Variants in ZBTB16 observed in about 807,000 individuals in gnomAD.
ZBTB16 encodes zinc finger and BTB domain-containing protein 16.
A neutral mutation model predicts 56.8 loss-of-function variants in ZBTB16; 8 were observed. The observed-to-expected ratio is 0.14, with a 90% CI of 0.08 to 0.25. The LOEUF (loss-of-function observed/expected upper bound fraction) is 0.25. Ranked by LOEUF, ZBTB16 falls within the 10% of genes least tolerant of loss-of-function variation. The pLI, the probability that ZBTB16 is intolerant of heterozygous loss-of-function variation, is 1.00. For missense variants in ZBTB16, 625 were observed against 903.0 expected (o/e 0.69, Z 3.95); for synonymous variants, 363 against 368.5 (o/e 0.98, Z 0.17).
intron 2 of ZBTB16, among the ~76,000 whole-genome samples, chr11:114,154,913 C>T (rs1170677502): frequency 6.6e-6 from 1 of 152,172 alleles, no homozygotes; most frequent in Admixed American, 6.5e-5. Context: ...GCTGTGGGAG[C>T]CCATTGACTG....
intron 3 of ZBTB16, among the ~76,000 whole-genome samples, chr11:114,157,388 C>A (rs1297476876): frequency 6.6e-6 from 1 of 152,214 alleles, no homozygotes; most frequent in African/African-American, 2.4e-5. Flanking sequence ...GTGTTGTTAA[C>A]TTACATAATT....
chr11:114,232,893 T>C (rs903470789), intron 4 of ZBTB16, among the ~76,000 whole-genome samples: 3 of 152,090 alleles, frequency 2.0e-5, no homozygotes, highest in African/African-American at 7.2e-5. Flanking sequence ...TCCTGCGGGC[T>C]CCAGGCTTCT....
At chr11:114,079,100 TA>T (rs10609677) in intron 2 of ZBTB16, among the ~76,000 whole-genome samples, 171 of 137,028 alleles carry the variant, frequency 1.2e-3, no homozygotes, top group Middle Eastern at 3.9e-3. Flanking sequence ...TTTGTCTCAT[TA>T]AAAAAAAAAA....
At chr11:114,109,358 G>C (rs578156080) in intron 2 of ZBTB16, among the ~76,000 whole-genome samples, 62 of 152,326 alleles carry the variant, frequency 4.1e-4, no homozygotes, top group Middle Eastern at 3.4e-3. Context: ...GCTTAGTCAG[G>C]TCTTTGGCTT....
intron 2 of ZBTB16, among the ~76,000 whole-genome samples, chr11:114,066,301 C>T (rs1364033479): frequency 9.2e-5 from 14 of 152,282 alleles, no homozygotes; most frequent in Admixed American, 7.2e-4. Flanking sequence ...CAGAGCTAAA[C>T]GTAGCCGACT....
chr11:114,097,026 GC>G (rs1940441017), intron 2 of ZBTB16, among the ~76,000 whole-genome samples: 1 of 152,144 alleles, frequency 6.6e-6, no homozygotes, highest in Admixed American at 6.5e-5. Flanking sequence ...AGCCAAAATA[GC>G]CAAAAGGTGG....
chr11:114,177,715 C>T (rs1451779435), intron 3 of ZBTB16, among the ~76,000 whole-genome samples: 2 of 152,084 alleles, frequency 1.3e-5, no homozygotes, highest in Non-Finnish European at 2.9e-5. Context: ...CATGATTGCT[C>T]AGTCATAGAA....
At chr11:114,083,796 C>A (rs529259335) in intron 2 of ZBTB16, among the ~76,000 whole-genome samples, 3 of 152,104 alleles carry the variant, frequency 2.0e-5, no homozygotes, top group Admixed American at 6.5e-5. Flanking sequence ...ATGCCGCCCC[C>A]CCGCCCCACC....
At chr11:114,082,531 G>A (rs889403384) in intron 2 of ZBTB16, among the ~76,000 whole-genome samples, 3 of 152,202 alleles carry the variant, frequency 2.0e-5, no homozygotes, top group Non-Finnish European at 4.4e-5. Context: ...AGAGTGACGT[G>A]ACTGGAGTGC....
chr11:114,244,541 A>G (rs1056905734), intron 5 of ZBTB16, among the ~76,000 whole-genome samples: 7 of 152,138 alleles, frequency 4.6e-5, no homozygotes, highest in Non-Finnish European at 8.8e-5. Context: ...CACTGACACA[A>G]TCAGCTCTCA....
intron 2 of ZBTB16, among the ~76,000 whole-genome samples, chr11:114,117,145 G>C (rs750943332): frequency 7.2e-5 from 11 of 152,086 alleles, no homozygotes; most frequent in African/African-American, 1.7e-4. Flanking sequence ...ACACGCAAAG[G>C]CCGGGGGAAG....
intron 5 of ZBTB16, 87 bp from the exon 6 acceptor site, chr11:114,247,111 C>A: frequency 1.3e-6 from 2 of 1,588,964 alleles, no homozygotes; most frequent in Admixed American, 1.7e-5. Flanking sequence ...GCCGTCGCAT[C>A]CTTCTCATGC....
chr11:114,119,806 C>T (rs1941291408), intron 2 of ZBTB16, among the ~76,000 whole-genome samples: 1 of 152,184 alleles, frequency 6.6e-6, no homozygotes, highest in African/African-American at 2.4e-5. Flanking sequence ...TAAATGGAAG[C>T]TCAGAGTGGT....
intron 3 of ZBTB16, among the ~76,000 whole-genome samples, chr11:114,167,393 T>G (rs1285001687): frequency 5.4e-5 from 7 of 128,744 alleles, no homozygotes; most frequent in Non-Finnish European, 8.0e-5. Context: ...TTTGTTTTTT[T>G]TTTTTTTTAA....
intron 2 of ZBTB16, among the ~76,000 whole-genome samples, chr11:114,107,861 G>C (rs916255210): frequency 2.0e-5 from 3 of 151,890 alleles, no homozygotes; most frequent in African/African-American, 7.3e-5. Flanking sequence ...TATTTGAGGA[G>C]AGAGATTTTC....
intron 4 of ZBTB16, chr11:114,210,057 G>A (rs1023078382): frequency 2.1e-5 from 14 of 662,684 alleles, no homozygotes; most frequent in Admixed American, 6.3e-5. Flanking sequence ...CCACTTGCCC[G>A]GTGAGCCTGC....
chr11:114,170,246 C>G (rs1406292692), intron 3 of ZBTB16, among the ~76,000 whole-genome samples: 1 of 152,160 alleles, frequency 6.6e-6, no homozygotes, highest in East Asian at 1.9e-4. Context: ...CCCCACAAAG[C>G]CTAGGTTGAG....
At chr11:114,158,153 T>C (rs1942475158) in intron 3 of ZBTB16, among the ~76,000 whole-genome samples, 1 of 152,128 alleles carries the variant, frequency 6.6e-6, no homozygotes, top group Non-Finnish European at 1.5e-5. Context: ...TCTTGATTTT[T>C]TCTGCTTTAG....
rs570536952 is a variant in ZBTB16 at position 114,088,728 on chromosome 11, C to T, written c.1268+24160C>T. On this transcript the variant is annotated intron_variant, in intron 2 of 6. Transcript: ENST00000335953. ...CCCAGGCAGTACTGGTGGGGAAGGG[C>T]CCCAGAAGCAGGCCCAGACTCAGGT... is the stretch of plus-strand genomic sequence containing the variant. 1.2e-3 allele frequency among the ~76,000 whole-genome samples: 189 copies of T among 152,330 alleles called. 1 individual carries two copies. The highest frequency in any genetic ancestry group is 4.0e-3 in the African/African-American group (168 of 41,562).
Sources: gnomAD v4.1 joint callset for allele counts (sites outside exome capture counted in the v4.1 genomes callset) on GRCh38, gnomAD v4.1.1 for gene constraint, MANE v1.5 for transcripts, NCBI Gene and HGNC (gene_info 2026-07-23, HGNC 2026-07-21) for gene names.